COL21A1: variants seen among roughly 807,000 people sequenced by gnomAD.
The protein encoded by COL21A1 is collagen type XXI alpha 1 chain, also known as collagen alpha-1(XXI) chain.
A neutral mutation model predicts 137.9 loss-of-function variants in COL21A1; 149 were observed. The ratio of observed to expected loss-of-function variants is 1.08; its 90% confidence interval spans 0.95 to 1.24. The LOEUF is 1.24. COL21A1 is among the 50% of genes most tolerant of loss of function. COL21A1 has a pLI of 0.00. For missense variants in COL21A1, 1,167 were observed against 1,158.4 expected (o/e 1.01, Z -0.11); for synonymous variants, 456 against 391.5 (o/e 1.16, Z -1.95).
At chr6:56,215,616 C>T (rs1196929757) in intron 1 of COL21A1, among the ~76,000 whole-genome samples, 5 of 152,056 alleles carry the variant, frequency 3.3e-5, no homozygotes, top group Admixed American at 3.3e-4. Flanking sequence ...TACTATCCTC[C>T]TCTCTAAAAG....
rs767329441 is a variant in COL21A1 at position 56,156,902 on chromosome 6, A to C, written c.1419T>G (p.Gly473=). The change falls in exon 10 of 30, where the codon GGT becomes GGG. Residue 473 remains glycine (G), a synonymous_variant. Coordinates refer to ENST00000244728, the MANE Select transcript of COL21A1 (RefSeq NM_030820.4). ...CAGTACTCACAGGCTTACCATCTTG[A>C]CCAGGTTGTCCAGGGTAGCCAGGGT... ...PGNPGYPGQP[G]QDGKPGYQGI... 1 of 1,612,274 alleles carries C rather than the reference A, an allele frequency of 6.2e-7. No homozygotes were observed. The highest frequency in any genetic ancestry group is 8.5e-7 in the Non-Finnish European group (1 of 1,179,212).
intron 1 of COL21A1, among the ~76,000 whole-genome samples, chr6:56,346,524 C>T (rs1765601322): frequency 6.6e-6 from 1 of 152,204 alleles, no homozygotes; most frequent in African/African-American, 2.4e-5. Context: ...TATTTAAACT[C>T]ATCTCTTATA....
chr6:56,097,520 G>T (rs939586435), intron 17 of COL21A1, among the ~76,000 whole-genome samples: 1 of 151,360 alleles, frequency 6.6e-6, no homozygotes, highest in Non-Finnish European at 1.5e-5. Context: ...AAGGAATATT[G>T]GGAGGAAAGA....
chr6:56,101,691 T>A (rs904260817), intron 16 of COL21A1, among the ~76,000 whole-genome samples, 166 bp from the exon 17 acceptor site: 1 of 152,188 alleles, frequency 6.6e-6, no homozygotes, highest in African/African-American at 2.4e-5. Context: ...AATAACTTTT[T>A]CAGAAATTCA....
At chr6:56,170,196 A>T (rs1489287266) in intron 5 of COL21A1, among the ~76,000 whole-genome samples, 1 of 151,924 alleles carries the variant, frequency 6.6e-6, no homozygotes, top group Non-Finnish European at 1.5e-5. Flanking sequence ...ATATTCTAAC[A>T]GATATGTCTT....
Position 56,308,089 on chromosome 6 carries a change from C to A in COL21A1, c.-39+85882G>T, listed in dbSNP as rs537095212. 2.2e-3 allele frequency among the ~76,000 whole-genome samples: 338 copies of A among 152,296 alleles called. 2 individuals carry two copies. Among genetic ancestry groups the A allele is most frequent in the African/African-American group, 7.7e-3 (321 of 41,556 alleles). ...CAACACTCAAGTGCTGAAACTAAATCCTTATTGCGGTGGTATCAAGAGGTG... is the reference window on the plus strand; with the variant it reads ...CAACACTCAAGTGCTGAAACTAAATACTTATTGCGGTGGTATCAAGAGGTG... On this transcript the variant is annotated intron_variant, in intron 1 of 28. Transcript: ENST00000370819.
intron 3 of COL21A1, among the ~76,000 whole-genome samples, chr6:56,177,695 G>A (rs150567661): frequency 0.013 from 1,974 of 150,778 alleles, 41 homozygotes; most frequent in African/African-American, 0.045. Context: ...GGGAGGCTGA[G>A]GCAGGAGAAT....
At chr6:56,089,888 G>T (rs192186636) in intron 17 of COL21A1, among the ~76,000 whole-genome samples, 7 of 152,218 alleles carry the variant, frequency 4.6e-5, no homozygotes, top group Non-Finnish European at 8.8e-5. Flanking sequence ...GGATAGAAAA[G>T]AGAAAAAATC....
chr6:56,307,805 C>A lies in COL21A1; in HGVS notation c.-39+86166G>T, dbSNP rs1410859312. On this transcript the variant is annotated intron_variant, in intron 1 of 28. Transcript: ENST00000370819. ...TGGAAATGCAGAAATCACCCGTCTTCTGCGTCGCTCACCCTGGGAGCTGTA... is the reference window on the plus strand; with the variant it reads ...TGGAAATGCAGAAATCACCCGTCTTATGCGTCGCTCACCCTGGGAGCTGTA... 2.0e-5 allele frequency among the ~76,000 whole-genome samples: 3 copies of A among 152,168 alleles called. No homozygotes were observed. In the East Asian group the frequency reaches 5.8e-4, roughly 29 times the overall value.
intron 10 of COL21A1, among the ~76,000 whole-genome samples, chr6:56,155,264 C>T (rs1003767403): frequency 1.3e-5 from 2 of 152,208 alleles, no homozygotes; most frequent in African/African-American, 4.8e-5. Flanking sequence ...ATCCTCTTCC[C>T]ATGCAGCACA....
At chr6:56,062,762 C>T (rs1039399800) in intron 24 of COL21A1, among the ~76,000 whole-genome samples, 2 of 152,090 alleles carry the variant, frequency 1.3e-5, no homozygotes, top group African/African-American at 4.8e-5. Context: ...TATGGTCATA[C>T]TTGAATTTTG....
chr6:56,228,024 A>T (rs2152316341), intron 1 of COL21A1, among the ~76,000 whole-genome samples: 2 of 152,088 alleles, frequency 1.3e-5, no homozygotes, highest in South Asian at 4.1e-4. Flanking sequence ...GCTCAGTGAA[A>T]AGGTATTTAT....
chr6:56,112,617 A>G (rs1170797128), intron 16 of COL21A1, among the ~76,000 whole-genome samples: 3 of 152,100 alleles, frequency 2.0e-5, no homozygotes, highest in Non-Finnish European at 4.4e-5. Context: ...CTGTTAAAGC[A>G]GAAAGGAAAA....
At chr6:56,168,036 A>C (rs141224131) in intron 6 of COL21A1, 88 bp downstream of exon 6, 1 of 928,600 alleles carries the variant, frequency 1.1e-6, no homozygotes, top group African/African-American at 1.7e-5. Flanking sequence ...AAGTATGTTA[A>C]ATATGATTAA....
intron 1 of COL21A1, among the ~76,000 whole-genome samples, chr6:56,228,903 TA>T (rs1403345794): frequency 2.6e-5 from 4 of 151,950 alleles, no homozygotes; most frequent in African/African-American, 9.7e-5. Context: ...CAAGAATACT[TA>T]ATGACAATTT....
intron 1 of COL21A1, among the ~76,000 whole-genome samples, chr6:56,354,403 A>G (rs918430695): frequency 1.3e-5 from 2 of 152,176 alleles, no homozygotes; most frequent in Admixed American, 1.3e-4. Flanking sequence ...GAGAAAATCA[A>G]CCCATGCATT....
Position 56,174,054 on chromosome 6 carries a change from T to C in COL21A1, c.641-2926A>G, listed in dbSNP as rs149928385. On this transcript the variant is annotated intron_variant, in intron 3 of 29. Coordinates refer to ENST00000244728, the MANE Select transcript of COL21A1 (RefSeq NM_030820.4). ...GGAGGAAAATTGAAAAATTCACAAA[T>C]ATGTAAAAATTAAATAGCACACTTT... Among the ~76,000 whole-genome samples, 585 of 152,126 alleles carry C rather than the reference T, an allele frequency of 3.8e-3. 3 individuals are homozygous for C. The highest frequency in any genetic ancestry group is 0.013 in the African/African-American group (555 of 41,496).
chr6:56,278,980 G>A (rs1763733212), intron 1 of COL21A1, among the ~76,000 whole-genome samples: 1 of 152,180 alleles, frequency 6.6e-6, no homozygotes, highest in South Asian at 2.1e-4. Flanking sequence ...AATGGCTTGT[G>A]ATATGTTTGG....
At chr6:56,146,019 T>A (rs946794278) in intron 10 of COL21A1, among the ~76,000 whole-genome samples, 16 of 152,122 alleles carry the variant, frequency 1.1e-4, no homozygotes, top group Admixed American at 1.0e-3. Flanking sequence ...TCCCCAAATG[T>A]GCAAGGGTCA....
Sources: allele counts gnomAD v4.1 joint callset (sites outside exome capture counted in the v4.1 genomes callset), GRCh38; gene constraint gnomAD v4.1.1; transcripts MANE v1.5; gene names NCBI Gene and HGNC (gene_info 2026-07-23, HGNC 2026-07-21).